Variants in PHACTR1 observed in about 807,000 individuals in gnomAD.
PHACTR1 encodes the protein phosphatase and actin regulator 1.
Under a neutral mutation model 69.2 loss-of-function variants are expected in PHACTR1, and 16 were observed. The ratio of observed to expected loss-of-function variants is 0.23; its 90% CI spans 0.16 to 0.35. The LOEUF is 0.35. Among genes scored for constraint, PHACTR1 ranks in the 10% least tolerant of loss-of-function variants. The probability of loss-of-function intolerance (pLI) is 1.00; values close to 1 mark genes in which losing one functional copy is unlikely to be tolerated. For synonymous variants in PHACTR1, 312 were observed against 284.5 expected (o/e 1.10, Z -0.97); for missense variants, 510 against 734.7 (o/e 0.69, Z 3.54).
chr6:13,177,360 T>TCTC (rs1554146743), intron 6 of PHACTR1, among the ~76,000 whole-genome samples: 1 of 131,006 alleles, frequency 7.6e-6, no homozygotes, highest in Non-Finnish European at 1.7e-5. Context: ...TGTCTCTCTC[T>TCTC]TGCGCTCTCT....
chr6:12,775,420 C>T (rs1769940705), intron 4 of PHACTR1, among the ~76,000 whole-genome samples: 1 of 152,168 alleles, frequency 6.6e-6, no homozygotes, highest in Non-Finnish European at 1.5e-5. Context: ...TATGAGAACA[C>T]ACATCTGTTT....
chr6:12,724,841 T>G (rs773966644), intron 3 of PHACTR1, among the ~76,000 whole-genome samples: 5 of 152,144 alleles, frequency 3.3e-5, no homozygotes, highest in Non-Finnish European at 5.9e-5. Context: ...ATCAATATAC[T>G]CGGACATTCA....
chr6:13,154,795 A>G (rs369667456), intron 5 of PHACTR1, among the ~76,000 whole-genome samples: 19 of 142,510 alleles, frequency 1.3e-4, no homozygotes, highest in African/African-American at 5.0e-4. Flanking sequence ...TCGGTGGCTC[A>G]CTCCTCTTCT....
chr6:12,876,200 A>T (rs1018281280), intron 4 of PHACTR1, among the ~76,000 whole-genome samples: 1 of 152,200 alleles, frequency 6.6e-6, no homozygotes, highest in Non-Finnish European at 1.5e-5. Flanking sequence ...CATAGGCTGG[A>T]TTTCAGTCAT....
At chr6:13,015,592 C>T (rs1206002896) in intron 4 of PHACTR1, among the ~76,000 whole-genome samples, 1 of 152,126 alleles carries the variant, frequency 6.6e-6, no homozygotes, top group African/African-American at 2.4e-5. Context: ...GAATTGCTGC[C>T]CAGATGGGCT....
chr6:13,199,691 CTT>C (rs1455802437), intron 7 of PHACTR1, among the ~76,000 whole-genome samples: 12 of 151,978 alleles, frequency 7.9e-5, no homozygotes, highest in Admixed American at 5.9e-4. Context: ...AAGAAAGGCT[CTT>C]TATGCAAACT....
chr6:12,857,204 G>C (rs928353511), intron 4 of PHACTR1, among the ~76,000 whole-genome samples: 1 of 152,174 alleles, frequency 6.6e-6, no homozygotes, highest in African/African-American at 2.4e-5. Context: ...GCGGGCCACA[G>C]TGCAATGGGA....
rs376468156 is a variant in PHACTR1 at position 12,809,811 on chromosome 6, T to C, written c.250+60021T>C. 5.9e-5 allele frequency among the ~76,000 whole-genome samples: 9 copies of C among 152,264 alleles called. No homozygotes were observed. In the East Asian group the frequency reaches 1.7e-3, roughly 29 times the overall value. ...GGAACTTTCCCTCCATCCAAAACAATAAAAAATAAATTGTATCAAAAATTA... is the reference window on the plus strand; with the variant it reads ...GGAACTTTCCCTCCATCCAAAACAACAAAAAATAAATTGTATCAAAAATTA... On this transcript the variant is annotated intron_variant, in intron 4 of 14. Coordinates refer to ENST00000332995, the MANE Select transcript of PHACTR1 (RefSeq NM_030948.6).
In PHACTR1 at chr6:13,283,710, C is replaced by A; in HGVS notation, c.1650+148C>A. The A allele has an allele frequency of 1.8e-6, 2 of 1,141,424 alleles. No individual in the cohort carries two copies. Among genetic ancestry groups the A allele is most frequent in the East Asian group, 2.5e-5 (1 of 40,700 alleles). 70.7% of individuals were successfully genotyped at this position (1,141,424 alleles called of 1,614,324 possible). A position where few individuals can be genotyped will look rare whatever the true frequency, so the allele number is the denominator to read the frequency against. ...AGTGTTGAGACCCCAACACCTTTCC[C>A]CAGGGGCCACAGATAATCTGCGGAA... On this transcript the variant is annotated intron_variant, in intron 13 of 14. Transcript: ENST00000332995. This position sits in a 1 kb window ranked among gnomAD's most constrained non-coding sequence, Gnocchi z 4.7.
At chr6:12,998,357 C>T (rs1262520249) in intron 4 of PHACTR1, among the ~76,000 whole-genome samples, 1 of 152,068 alleles carries the variant, frequency 6.6e-6, no homozygotes, top group African/African-American at 2.4e-5. Context: ...GTGGCTCATG[C>T]CTGTAATCTC....
chr6:13,152,709 T>C (rs983103601), intron 5 of PHACTR1, among the ~76,000 whole-genome samples: 1 of 152,212 alleles, frequency 6.6e-6, no homozygotes, highest in African/African-American at 2.4e-5. Flanking sequence ...AAACTGGAGA[T>C]TTTATTATTC....
At chr6:13,178,174 G>A (rs771118237) in intron 6 of PHACTR1, among the ~76,000 whole-genome samples, 1 of 152,162 alleles carries the variant, frequency 6.6e-6, no homozygotes, top group Non-Finnish European at 1.5e-5. Flanking sequence ...CTTCTACCTT[G>A]TTAGACGTGT....
chr6:13,254,987 A>G (rs1774979422), intron 10 of PHACTR1, among the ~76,000 whole-genome samples: 1 of 152,254 alleles, frequency 6.6e-6, no homozygotes. Context: ...GTATTAGTCC[A>G]TTCCTGCACT....
chr6:13,201,676 G>A (rs6922653), intron 7 of PHACTR1, among the ~76,000 whole-genome samples: 4,325 of 152,290 alleles, frequency 0.028, 212 homozygotes, highest in African/African-American at 0.097. Context: ...TGGGAAAAGG[G>A]AGATTAAAAG....
intron 4 of PHACTR1, among the ~76,000 whole-genome samples, chr6:12,994,489 GA>G (rs1413099220): frequency 1.3e-5 from 2 of 152,108 alleles, no homozygotes; most frequent in East Asian, 3.9e-4. Flanking sequence ...GAAGACTCAG[GA>G]AAAAAATTAA....
At chr6:13,131,788 A>G (rs929933542) in intron 5 of PHACTR1, among the ~76,000 whole-genome samples, 2 of 152,200 alleles carry the variant, frequency 1.3e-5, no homozygotes, top group African/African-American at 4.8e-5. Context: ...CCTGTTAAAT[A>G]TTTTAGAGGA....
At chr6:13,131,208 T>TAC (rs56329629) in intron 5 of PHACTR1, among the ~76,000 whole-genome samples, 7,807 of 146,024 alleles carry the variant, frequency 0.053, 414 homozygotes, top group South Asian at 0.17. Flanking sequence ...TATATACACA[T>TAC]ACACACACAC....
chr6:13,186,970 G>C (rs555227385), intron 7 of PHACTR1, among the ~76,000 whole-genome samples: 1 of 152,154 alleles, frequency 6.6e-6, no homozygotes, highest in South Asian at 2.1e-4. Flanking sequence ...GACAGTGACC[G>C]ATCGTCAGGC....
intron 5 of PHACTR1, among the ~76,000 whole-genome samples, chr6:13,092,967 T>C (rs999058329): frequency 2.0e-5 from 3 of 152,240 alleles, no homozygotes; most frequent in African/African-American, 4.8e-5. Context: ...GAGGAGATTA[T>C]GGAATATTGT....
Sources: allele counts gnomAD v4.1 joint callset (sites outside exome capture counted in the v4.1 genomes callset), GRCh38; gene constraint gnomAD v4.1.1; non-coding constraint Gnocchi (gnomAD v3.1); transcripts MANE v1.5; gene names NCBI Gene and HGNC (gene_info 2026-07-23, HGNC 2026-07-21).